Variants in FOXP2 observed in about 807,000 individuals in gnomAD.
The protein encoded by FOXP2 is forkhead box protein P2.
FOXP2 carries 12 observed loss-of-function variants against 115.8 expected under a neutral mutation model. The observed-to-expected ratio is 0.10, with a 90% CI of 0.07 to 0.17. The LOEUF (loss-of-function observed/expected upper bound fraction) is 0.17. Among genes scored for constraint, FOXP2 ranks in the 10% least tolerant of loss-of-function variants. The pLI is 1.00. For missense variants in FOXP2, 629 were observed against 843.5 expected, an observed-to-expected ratio of 0.75 and a Z score of 3.15; for synonymous variants, 328 against 297.7, an observed-to-expected ratio of 1.10 and a Z score of -1.05.
intron 1 of FOXP2, among the ~76,000 whole-genome samples, chr7:114,257,171 C>T (rs930812501): frequency 1.3e-5 from 2 of 152,088 alleles, no homozygotes; most frequent in African/African-American, 4.8e-5. Flanking sequence ...CTTTGACAAA[C>T]CTGACAAAAA....
intron 1 of FOXP2, among the ~76,000 whole-genome samples, chr7:114,421,739 G>A (rs1017550744): frequency 1.3e-5 from 2 of 151,474 alleles, no homozygotes; most frequent in African/African-American, 4.8e-5. Flanking sequence ...TTCAATTTTT[G>A]TTCTTACACA....
At chr7:114,475,329 A>C (rs1199119675) in intron 2 of FOXP2, among the ~76,000 whole-genome samples, 1 of 152,142 alleles carries the variant, frequency 6.6e-6, no homozygotes, top group African/African-American at 2.4e-5. Flanking sequence ...TTGAATTTTA[A>C]TGAAGTCCTT....
At chr7:114,646,817 T>C (rs934917841) in intron 8 of FOXP2, among the ~76,000 whole-genome samples, 34 of 151,808 alleles carry the variant, frequency 2.2e-4, no homozygotes, top group Non-Finnish European at 1.5e-5. Context: ...TGAATTAACT[T>C]CGGTTATTCA....
At position 114,422,760 on chromosome 7, in the gene FOXP2, AATAGGATACATG is replaced by A. The variant is rs561500806; in HGVS notation, c.-10-3741_-10-3730del. Reference sequence around the variant, plus strand: ...CTTTTAAACATTGCTGCGAATACGGAATAGGATACATGCAGGTTTCTGTTATCACTCTGGCAT... The same window carrying A: ...CTTTTAAACATTGCTGCGAATACGGACAGGTTTCTGTTATCACTCTGGCAT... On this transcript the variant is annotated intron_variant, in intron 1 of 16. Coordinates refer to ENST00000350908, the MANE Select transcript of FOXP2 (RefSeq NM_014491.4). 2.2e-3 allele frequency among the ~76,000 whole-genome samples: 334 copies of A among 151,802 alleles called. 1 individual carries two copies. The highest frequency in any genetic ancestry group is 7.6e-3 in the African/African-American group (317 of 41,498).
chr7:114,120,754 G>A (rs763860853), intron 1 of FOXP2, among the ~76,000 whole-genome samples: 11 of 151,622 alleles, frequency 7.3e-5, no homozygotes, highest in South Asian at 2.1e-4. Flanking sequence ...AGTCCTGACC[G>A]CAGTTATATG....
At chr7:114,636,991 T>C (rs1805257308) in intron 6 of FOXP2, among the ~76,000 whole-genome samples, 1 of 151,938 alleles carries the variant, frequency 6.6e-6, no homozygotes, top group South Asian at 2.1e-4. Context: ...CTGGGCAACA[T>C]AGTGAGACCC....
At chr7:114,518,885 C>T (rs1192135581) in intron 2 of FOXP2, among the ~76,000 whole-genome samples, 1 of 152,098 alleles carries the variant, frequency 6.6e-6, no homozygotes, top group South Asian at 2.1e-4. Context: ...AGTAAGTAGA[C>T]ATAGAAATGA....
intron 1 of FOXP2, among the ~76,000 whole-genome samples, chr7:114,250,644 ATTGTTT>A (rs1289928583): frequency 1.3e-5 from 2 of 151,714 alleles, no homozygotes; most frequent in East Asian, 1.9e-4. Context: ...TTTCGATGGG[ATTGTTT>A]TTGTTTTTGT....
At chr7:114,211,270 C>G (rs994806761) in intron 1 of FOXP2, among the ~76,000 whole-genome samples, 4 of 152,336 alleles carry the variant, frequency 2.6e-5, no homozygotes, top group East Asian at 1.9e-4. Context: ...TCCTGGGTCT[C>G]TGTGTACCTG....
intron 2 of FOXP2, among the ~76,000 whole-genome samples, chr7:114,490,873 T>C (rs1345687119): frequency 6.6e-6 from 1 of 152,204 alleles, no homozygotes. Flanking sequence ...CCATGGTGTA[T>C]ATGTGCCACA....
chr7:114,395,850 G>C (rs1420666013), intron 2 of FOXP2, among the ~76,000 whole-genome samples: 2 of 151,618 alleles, frequency 1.3e-5, no homozygotes, highest in Non-Finnish European at 2.9e-5. Flanking sequence ...GTGGGGGCAG[G>C]GGGGGTCACG....
chr7:114,330,546 A>G (rs1362319503), intron 2 of FOXP2, among the ~76,000 whole-genome samples: 3 of 150,512 alleles, frequency 2.0e-5, no homozygotes, highest in Non-Finnish European at 3.0e-5. Flanking sequence ...TATACATAAT[A>G]TATATAATGT....
intron 1 of FOXP2, among the ~76,000 whole-genome samples, chr7:114,229,305 G>A (rs1412016606): frequency 1.3e-5 from 2 of 151,432 alleles, no homozygotes; most frequent in African/African-American, 2.4e-5. Flanking sequence ...GAAATAGACA[G>A]TAATACAGTA....
At chr7:114,135,799 T>C (rs921845937) in intron 1 of FOXP2, among the ~76,000 whole-genome samples, 2 of 152,168 alleles carry the variant, frequency 1.3e-5, no homozygotes, top group Non-Finnish European at 2.9e-5. Context: ...GCTGTGTTCA[T>C]GGATTTGCTG....
At chr7:114,185,053 A>G (rs1793556287) in intron 1 of FOXP2, among the ~76,000 whole-genome samples, 1 of 152,166 alleles carries the variant, frequency 6.6e-6, no homozygotes, top group South Asian at 2.1e-4. Flanking sequence ...AAACTTACCT[A>G]GATTTAAAGA....
chr7:114,268,170 A>G (rs1393327227), intron 1 of FOXP2, among the ~76,000 whole-genome samples: 2 of 152,184 alleles, frequency 1.3e-5, no homozygotes, highest in Non-Finnish European at 2.9e-5. Flanking sequence ...AGGCTAAATA[A>G]TATTCCATTG....
intron 2 of FOXP2, among the ~76,000 whole-genome samples, chr7:114,338,219 T>C (rs541454916): frequency 1.2e-4 from 18 of 151,020 alleles, no homozygotes; most frequent in Non-Finnish European, 2.4e-4. Flanking sequence ...TACAATAAAA[T>C]ATGAGCTTAC....
chr7:114,503,824 C>T (rs1194864472), intron 2 of FOXP2, among the ~76,000 whole-genome samples: 1 of 151,028 alleles, frequency 6.6e-6, no homozygotes, highest in African/African-American at 2.4e-5. Flanking sequence ...TTCCTTAATA[C>T]AATATTGCTG....
At chr7:114,419,096 GCTAA>G (rs1793480014) in intron 1 of FOXP2, among the ~76,000 whole-genome samples, 1 of 151,828 alleles carries the variant, frequency 6.6e-6, no homozygotes, top group Admixed American at 6.6e-5. Context: ...ATACATCTAT[GCTAA>G]CTGACTGTGC....
Sources: gnomAD v4.1 joint callset for allele counts (sites outside exome capture counted in the v4.1 genomes callset) on GRCh38, gnomAD v4.1.1 for gene constraint, MANE v1.5 for transcripts, NCBI Gene and HGNC (gene_info 2026-07-23, HGNC 2026-07-21) for gene names.